The following GALNT15 variants were observed in gnomAD, a reference collection of about 807,000 sequenced individuals.
GALNT15 encodes the protein polypeptide N-acetylgalactosaminyltransferase 15.
GALNT15 carries 67 observed loss-of-function variants against 66.8 expected under a neutral mutation model. That is an observed-to-expected ratio of 1.00 (90% CI 0.82 to 1.23). The LOEUF (loss-of-function observed/expected upper bound fraction) is 1.23, where lower values mean the gene tolerates loss of function less well. Ranked by LOEUF, GALNT15 falls within the 50% of genes most tolerant of loss-of-function variation. GALNT15 has a pLI of 0.00. For synonymous variants in GALNT15, 313 were observed against 311.5 expected (o/e 1.00, Z -0.05); for missense variants, 827 against 804.3 (o/e 1.03, Z -0.34).
At position 16,200,648 on chromosome 3, in the gene GALNT15, G is replaced by A. The variant is rs903713667; in HGVS notation, c.736G>A (p.Val246Met). The change falls in exon 3 of 10, where the codon GTG (valine) becomes ATG (methionine). Residue 246 changes from valine (V) to methionine (M), a missense_variant. Coordinates refer to ENST00000339732, the MANE Select transcript of GALNT15 (RefSeq NM_054110.5). This position sits in a 1 kb window ranked among gnomAD's most constrained non-coding sequence, Gnocchi z 4.4. ...ACTCAAGTCTGCTCTCAGCGAATAT[G>A]TGGCCAGGCTGGAGGGGGTGAAGTT... The part of the protein sequence containing the change: ...GQLKSALSEY[V>M]ARLEGVKLLR... 1 of 1,582,606 alleles carries A rather than the reference G, an allele frequency of 6.3e-7. No individual in the cohort carries two copies. The highest frequency in any genetic ancestry group is 8.6e-7 in the Non-Finnish European group (1 of 1,164,410).
rs2063404147 is a variant in GALNT15, at chr3:16,175,867, A to C, written c.539+177A>C. The stretch of plus-strand genomic sequence containing the variant: ...CCTGGGCACTGGTGGGTTCTCAGAA[A>C]TGCAGATTCTCAGACCCCATCCCAG... On this transcript the variant is annotated intron_variant, in intron 1 of 9. Coordinates refer to ENST00000339732, the MANE Select transcript of GALNT15 (RefSeq NM_054110.5). The surrounding 1 kb of genome is among the most constrained non-coding windows in gnomAD (Gnocchi z 5.6). Among the ~76,000 whole-genome samples the C allele has an allele frequency of 6.6e-6, 1 of 152,206 alleles. No homozygotes were observed. Among genetic ancestry groups the C allele is most frequent in the South Asian group, 2.1e-4 (1 of 4,826 alleles).
intron 4 of GALNT15, among the ~76,000 whole-genome samples, chr3:16,210,119 C>T (rs759735895): frequency 3.3e-5 from 5 of 152,080 alleles, no homozygotes; most frequent in Non-Finnish European, 7.4e-5. Context: ...ATCCAGTGAG[C>T]GTTTAAAATG....
Position 16,200,777 on chromosome 3 carries a change from C to T in GALNT15, c.865C>T (p.His289Tyr). 1 of 1,611,538 alleles carries T rather than the reference C, an allele frequency of 6.2e-7. No homozygotes were observed. Among genetic ancestry groups the T allele is most frequent in the Non-Finnish European group, 8.5e-7 (1 of 1,179,114 alleles). Reference sequence around the variant, plus strand: ...CTTCATGGATGCCCACTGCGAGTGCCACCCAGGCTGGCTGGAGCCCCTCCT... The same window carrying T: ...CTTCATGGATGCCCACTGCGAGTGCTACCCAGGCTGGCTGGAGCCCCTCCT... ...LVFMDAHCEC[H>Y]PGWLEPLLSR... The change falls in exon 3 of 10, where the codon CAC (histidine) becomes TAC (tyrosine). Residue 289 changes from histidine (H) to tyrosine (Y), a missense_variant. Coordinates refer to ENST00000339732, the MANE Select transcript of GALNT15 (RefSeq NM_054110.5). The surrounding 1 kb of genome is among the most constrained non-coding windows in gnomAD (Gnocchi z 4.4).
rs554809779 is a variant in GALNT15 at position 16,184,732 on chromosome 3, G to A, written c.539+9042G>A. Among the ~76,000 whole-genome samples, 21 of 152,308 alleles carry A rather than the reference G, an allele frequency of 1.4e-4. No homozygotes were observed. Among genetic ancestry groups the A allele is most frequent in the East Asian group, 1.2e-3 (6 of 5,182 alleles). The stretch of plus-strand genomic sequence containing the variant: ...AGCACGGGTAGGGGCTCAGGAAAGC[G>A]GAGCAGAGATGCCTGAGAGAGGCAT... On this transcript the variant is annotated intron_variant, in intron 1 of 9. Coordinates refer to ENST00000339732, the MANE Select transcript of GALNT15 (RefSeq NM_054110.5). This position sits in a 1 kb window ranked among gnomAD's most constrained non-coding sequence, Gnocchi z 5.0.
In GALNT15 at chr3:16,229,224, C is replaced by T. The variant is rs1015535757; in HGVS notation, c.*1724C>T. On this transcript the variant is annotated 3_prime_UTR_variant, in exon 10 of 10. Transcript: ENST00000339732. ...CGTATTCATTGTCTACCTGCTAAGT[C>T]AAGGGTTCACTGCATTTCTCCTTCC... 6 of 985,236 alleles carry T rather than the reference C, an allele frequency of 6.1e-6. No individual in the cohort carries two copies. Among genetic ancestry groups the T allele is most frequent in the East Asian group, 2.3e-4 (2 of 8,824 alleles). The allele number at this position is 985,236 out of a possible 1,614,324, so 61.0% of individuals were successfully genotyped here.
chr3:16,233,494 T>A (rs983182243), downstream of GALNT15, among the ~76,000 whole-genome samples: 5 of 152,218 alleles, frequency 3.3e-5, no homozygotes, highest in Non-Finnish European at 4.4e-5. Context: ...CCACTAGTTC[T>A]GCTTTTTTGA....
Position 16,224,929 on chromosome 3 carries a change from A to G in GALNT15, c.1773+2171A>G, listed in dbSNP as rs2063989750. Among the ~76,000 whole-genome samples, 1 of 152,114 alleles carries G rather than the reference A, an allele frequency of 6.6e-6. No individual in the cohort carries two copies. ...TGGGATTACAAGTGTGAGCCACCAC[A>G]CCAGGCCTATTAGGCCATTCTTGCA... On this transcript the variant is annotated intron_variant, in intron 9 of 9. Transcript: ENST00000339732. This position sits in a 1 kb window ranked among gnomAD's most constrained non-coding sequence, Gnocchi z 5.2.
At chr3:16,243,046 AACTATCT>A in the GALNT15 span, among the ~76,000 whole-genome samples, 1 of 152,128 alleles carries the variant, frequency 6.6e-6, no homozygotes, top group South Asian at 2.1e-4. Context: ...CATGTTCCAG[AACTATCT>A]ACCTAAAGAA....
downstream of GALNT15, among the ~76,000 whole-genome samples, chr3:16,232,847 G>T (rs1308531866): frequency 6.6e-6 from 1 of 151,668 alleles, no homozygotes; most frequent in Non-Finnish European, 1.5e-5. Context: ...TTCTGATTTG[G>T]TAGGTCTGTG....
chr3:16,222,851 G>A (rs1221801025), intron 9 of GALNT15, 93 bp downstream of exon 9: 2 of 1,401,248 alleles, frequency 1.4e-6, no homozygotes, highest in African/African-American at 1.4e-5. Context: ...AAGAGGTCAG[G>A]TATTAGGGAC....
downstream of GALNT15, among the ~76,000 whole-genome samples, chr3:16,231,138 T>C (rs1294301783): frequency 9.9e-6 from 1 of 101,288 alleles, no homozygotes; most frequent in Non-Finnish European, 1.8e-5. The surrounding 1 kb of genome is among the most constrained non-coding windows in gnomAD (Gnocchi z 4.1). Flanking sequence ...CCAGGGCCTG[T>C]TGAGGGGTGG....
In GALNT15 at chr3:16,175,268, C is replaced by T. The variant is rs764435368; in HGVS notation, c.117C>T (p.Thr39=). The change falls in exon 1 of 10, where the codon ACC becomes ACT. Residue 39 remains threonine, a synonymous_variant. Transcript: ENST00000339732. This position sits in a 1 kb window ranked among gnomAD's most constrained non-coding sequence, Gnocchi z 5.6. ...CGATGTTGCACCCTCCCCACCACAC[C>T]CTGCACCAGACTGTCACAGCCCAAG... The part of the protein sequence containing the change: ...MVAMLHPPHH[T]LHQTVTAQAS... 1.6e-5 allele frequency: 26 copies of T among 1,614,062 alleles called. No individual in the cohort carries two copies. Among genetic ancestry groups the T allele is most frequent in the Middle Eastern group, 3.3e-4 (2 of 6,084 alleles).
chr3:16,223,272 G>A lies in GALNT15; in HGVS notation c.1773+514G>A, dbSNP rs139374748. On this transcript the variant is annotated intron_variant, in intron 9 of 9. Coordinates refer to ENST00000339732, the MANE Select transcript of GALNT15 (RefSeq NM_054110.5). ...TTGACCCCTATTACCCTGGGGGAAA[G>A]AAACTATAGATCCTTCCCAGAAGTT... is the stretch of plus-strand genomic sequence containing the variant. Among the ~76,000 whole-genome samples, 163 of 152,306 alleles carry A rather than the reference G, an allele frequency of 1.1e-3. 1 individual carries two copies. Among genetic ancestry groups the A allele is most frequent in the African/African-American group, 3.7e-3 (154 of 41,572 alleles).
chr3:16,217,215 C>T (rs2063888792), intron 6 of GALNT15, among the ~76,000 whole-genome samples: 1 of 152,248 alleles, frequency 6.6e-6, no homozygotes, highest in South Asian at 2.1e-4. Flanking sequence ...GGCTTACTTT[C>T]ATAAAGTCTA....
the GALNT15 span, among the ~76,000 whole-genome samples, chr3:16,244,441 G>A: frequency 6.6e-6 from 1 of 152,228 alleles, no homozygotes; most frequent in South Asian, 2.1e-4. Context: ...ACAGGATTCT[G>A]AACTTAGAGA....
At position 16,191,553 on chromosome 3, in the gene GALNT15, CCTGAGTTACCAGGTGAGA is replaced by C. The variant is rs2063579659; in HGVS notation, c.540-4203_540-4186del. Among the ~76,000 whole-genome samples the C allele has an allele frequency of 6.6e-6, 1 of 152,208 alleles. No homozygotes were observed. Among genetic ancestry groups the C allele is most frequent in the African/African-American group, 2.4e-5 (1 of 41,454 alleles). On this transcript the variant is annotated intron_variant, in intron 1 of 9. Transcript: ENST00000339732. This position sits in a 1 kb window ranked among gnomAD's most constrained non-coding sequence, Gnocchi z 5.2. Reference sequence around the variant, plus strand: ...AGTGGTGGAGCCTCAGTGTCCACAACCTGAGTTACCAGGTGAGACTGCCACCCGGCAGAGAATGTTCTG... The same window carrying C: ...AGTGGTGGAGCCTCAGTGTCCACAACCTGCCACCCGGCAGAGAATGTTCTG...
Position 16,219,674 on chromosome 3 carries a change from C to G in GALNT15, c.1524+140C>G. ...GAGGCCTTGGGTCCATCCCGTGCCT[C>G]CATGCCAGTCTGAGGAAGGTGGCTG... On this transcript the variant is annotated intron_variant, in intron 7 of 9. Coordinates refer to ENST00000339732, the MANE Select transcript of GALNT15 (RefSeq NM_054110.5). This position sits in a 1 kb window ranked among gnomAD's most constrained non-coding sequence, Gnocchi z 4.3. 8.1e-7 allele frequency: 1 copy of G among 1,232,882 alleles called. No homozygotes were observed. Among genetic ancestry groups the G allele is most frequent in the East Asian group, 2.3e-5 (1 of 42,874 alleles). The allele number at this position is 1,232,882 out of a possible 1,614,324, so 76.4% of individuals were successfully genotyped here.
chr3:16,214,254 C>T (rs2063849480), intron 6 of GALNT15, among the ~76,000 whole-genome samples: 1 of 152,194 alleles, frequency 6.6e-6, no homozygotes, highest in African/African-American at 2.4e-5. Flanking sequence ...CCATCGCCAT[C>T]TGTGGGAAGT....
In GALNT15 at chr3:16,218,642, C is replaced by A. The variant is rs115438111; in HGVS notation, c.1393-761C>A. On this transcript the variant is annotated intron_variant, in intron 6 of 9. Transcript: ENST00000339732. ...ATTTGCCTTGCCCCAACCCCTAGCC[C>A]ACGATTTCCCAACCAACTTCATCTC... 3.5e-3 allele frequency among the ~76,000 whole-genome samples: 526 copies of A among 152,158 alleles called. 4 individuals are homozygous for A. Among genetic ancestry groups the A allele is most frequent in the Middle Eastern group, 6.8e-3 (2 of 294 alleles).
Sources: gnomAD v4.1 joint callset for allele counts (sites outside exome capture counted in the v4.1 genomes callset) on GRCh38, gnomAD v4.1.1 for gene constraint, Gnocchi (gnomAD v3.1) non-coding constraint, MANE v1.5 for transcripts, NCBI Gene and HGNC (gene_info 2026-07-23, HGNC 2026-07-21) for gene names.